Variants in FHOD3 observed in about 807,000 individuals in gnomAD.
The protein encoded by FHOD3 is formin homology 2 domain containing 3.
FHOD3 carries 90 observed loss-of-function variants against 173.0 expected under a neutral mutation model. That is an observed-to-expected ratio of 0.52 (90% CI 0.44 to 0.62). FHOD3 has a LOEUF of 0.62. Ranked by LOEUF, FHOD3 falls within the 20% of genes least tolerant of loss-of-function variation. FHOD3 has a pLI of 0.00. For missense variants in FHOD3, 1,945 were observed against 2,034.7 expected (o/e 0.96, Z 0.85); for synonymous variants, 828 against 823.0 (o/e 1.01, Z -0.10).
chr18:36,327,254 T>G (rs529498383), intron 1 of FHOD3, among the ~76,000 whole-genome samples: 1 of 152,366 alleles, frequency 6.6e-6, no homozygotes, highest in Non-Finnish European at 1.5e-5. Context: ...CTCACTGGTG[T>G]GCTGGCAGAG....
intron 17 of FHOD3, among the ~76,000 whole-genome samples, chr18:36,698,474 A>G (rs1423619343): frequency 1.3e-5 from 2 of 152,196 alleles, no homozygotes; most frequent in Non-Finnish European, 2.9e-5. Flanking sequence ...AAGTTGGTAA[A>G]GAAGAGCATT....
chr18:36,328,806 A>G (rs567170377), intron 1 of FHOD3, among the ~76,000 whole-genome samples: 3 of 152,346 alleles, frequency 2.0e-5, no homozygotes, highest in African/African-American at 7.2e-5. Context: ...CTGGAAGGAC[A>G]GAGCTGCACT....
At chr18:36,555,963 A>G (rs981536374) in intron 5 of FHOD3, among the ~76,000 whole-genome samples, 2 of 152,100 alleles carry the variant, frequency 1.3e-5, no homozygotes, top group Non-Finnish European at 1.5e-5. Context: ...TGTAGGACTC[A>G]TGTAATCAGG....
intron 19 of FHOD3, among the ~76,000 whole-genome samples, chr18:36,722,509 G>A (rs1284455893): frequency 1.3e-5 from 2 of 152,176 alleles, no homozygotes; most frequent in Non-Finnish European, 2.9e-5. Context: ...ATCTGGAGAA[G>A]TTTATTTATC....
In FHOD3 at chr18:36,769,406, C is replaced by T; in HGVS notation, c.4766C>T (p.Ser1589Phe). Reference sequence around the variant, plus strand: ...GTGGTGCCGAGGGAGAGGAAACGATCCCGGGCCAACCGGAAATCTTGTGAG... The same window carrying T: ...GTGGTGCCGAGGGAGAGGAAACGATTCCGGGCCAACCGGAAATCTTGTGAG... ...QRVVPRERKR[S>F]RANRKSLRRT... Residue 1589 changes from serine (S) to phenylalanine (F), a missense_variant, in exon 28 of 29, where the codon TCC becomes TTC. Transcript: ENST00000590592. The T allele has an allele frequency of 6.2e-7, 1 of 1,614,092 alleles. No individual in the cohort carries two copies. Among genetic ancestry groups the T allele is most frequent in the Non-Finnish European group, 8.5e-7 (1 of 1,179,998 alleles).
chr18:36,479,801 G>A (rs759898804), intron 3 of FHOD3, among the ~76,000 whole-genome samples: 144 of 152,096 alleles, frequency 9.5e-4, no homozygotes, highest in Non-Finnish European at 1.8e-3. Flanking sequence ...GTCTCATTCC[G>A]CTTTACCCTC....
intron 6 of FHOD3, among the ~76,000 whole-genome samples, chr18:36,580,716 C>T (rs2058819820): frequency 6.6e-6 from 1 of 152,376 alleles, no homozygotes; most frequent in Non-Finnish European, 1.5e-5. Flanking sequence ...ACAACAGATA[C>T]ATCAACCCAA....
chr18:36,750,398 T>C (rs770047760), intron 24 of FHOD3, among the ~76,000 whole-genome samples: 1 of 152,228 alleles, frequency 6.6e-6, no homozygotes, highest in Non-Finnish European at 1.5e-5. Context: ...CTTTGTCAGA[T>C]GCATAGTGTG....
At chr18:36,371,876 G>T (rs2047210753) in intron 2 of FHOD3, among the ~76,000 whole-genome samples, 1 of 152,140 alleles carries the variant, frequency 6.6e-6, no homozygotes, top group African/African-American at 2.4e-5. Context: ...CCATGCTGTT[G>T]GCTGGCTCTG....
chr18:36,655,727 A>T (rs2036378513), intron 13 of FHOD3, among the ~76,000 whole-genome samples: 1 of 142,678 alleles, frequency 7.0e-6, no homozygotes, highest in Admixed American at 7.0e-5. Context: ...GTTAGTCATT[A>T]AAAAGAACCC....
intron 24 of FHOD3, among the ~76,000 whole-genome samples, chr18:36,753,289 T>C (rs576880760): frequency 1.3e-5 from 2 of 152,284 alleles, no homozygotes; most frequent in South Asian, 4.1e-4. Flanking sequence ...ACACATGGTG[T>C]CTGGGGCTCT....
chr18:36,317,861 C>A (rs561544058), intron 1 of FHOD3, among the ~76,000 whole-genome samples: 2 of 152,028 alleles, frequency 1.3e-5, no homozygotes, highest in African/African-American at 4.8e-5. Context: ...TGGTTTTAGG[C>A]CTCACATTTA....
intron 13 of FHOD3, among the ~76,000 whole-genome samples, 161 bp from the exon 14 acceptor site, chr18:36,657,914 A>G (rs1182424106): frequency 6.6e-6 from 1 of 152,240 alleles, no homozygotes; most frequent in Non-Finnish European, 1.5e-5. Flanking sequence ...TCAGAAAAAA[A>G]CAGGGAACAA....
intron 1 of FHOD3, among the ~76,000 whole-genome samples, chr18:36,324,932 C>T (rs2044591387): frequency 6.6e-6 from 1 of 152,122 alleles, no homozygotes; most frequent in Admixed American, 6.5e-5. Flanking sequence ...ATGCAATGTT[C>T]ATCAATAGTG....
intron 3 of FHOD3, among the ~76,000 whole-genome samples, chr18:36,416,335 G>A (rs1263601570): frequency 1.3e-5 from 2 of 152,164 alleles, no homozygotes; most frequent in African/African-American, 2.4e-5. Flanking sequence ...GCCCACCCAG[G>A]TGTCATTTCT....
chr18:36,655,035 G>A (rs922504946), intron 13 of FHOD3, among the ~76,000 whole-genome samples: 1 of 148,058 alleles, frequency 6.8e-6, no homozygotes, highest in Non-Finnish European at 1.5e-5. Flanking sequence ...TGTGAACTGA[G>A]CTTCTTTTTT....
intron 10 of FHOD3, among the ~76,000 whole-genome samples, chr18:36,633,884 T>C (rs1389719540): frequency 6.6e-6 from 1 of 152,196 alleles, no homozygotes; most frequent in Non-Finnish European, 1.5e-5. Flanking sequence ...GTTTTTCTCA[T>C]AAATGGGCAC....
At chr18:36,470,364 C>T (rs534323024) in intron 3 of FHOD3, among the ~76,000 whole-genome samples, 2 of 152,178 alleles carry the variant, frequency 1.3e-5, no homozygotes, top group Non-Finnish European at 2.9e-5. Flanking sequence ...TGTGAAGGAA[C>T]TGGATTAGCT....
chr18:36,332,344 C>T (rs2045061670), intron 1 of FHOD3, among the ~76,000 whole-genome samples: 1 of 152,176 alleles, frequency 6.6e-6, no homozygotes, highest in South Asian at 2.1e-4. Context: ...GGCTGGCTCT[C>T]CTTGCAAGGC....
Sources: gnomAD v4.1 joint callset for allele counts (sites outside exome capture counted in the v4.1 genomes callset) on GRCh38, gnomAD v4.1.1 for gene constraint, MANE v1.5 for transcripts, NCBI Gene and HGNC (gene_info 2026-07-23, HGNC 2026-07-21) for gene names.